NAALADL2: variants seen among roughly 807,000 people sequenced by gnomAD.
The protein encoded by NAALADL2 is inactive N-acetylated-alpha-linked acidic dipeptidase-like protein 2.
NAALADL2 carries 76 observed loss-of-function variants against 87.2 expected under a neutral mutation model. The ratio of observed to expected loss-of-function variants is 0.87; its 90% CI spans 0.72 to 1.05. The LOEUF (loss-of-function observed/expected upper bound fraction) is 1.05, where lower values mean the gene tolerates loss of function less well. Ranked by LOEUF, NAALADL2 falls within the 50% of genes least tolerant of loss-of-function variation. NAALADL2 has a pLI of 0.00. For missense variants in NAALADL2, 1,089 were observed against 945.8 expected, an observed-to-expected ratio of 1.15 and a Z score of -1.99; for synonymous variants, 354 against 331.0, an observed-to-expected ratio of 1.07 and a Z score of -0.75.
At chr3:175,324,057 AAAAAG>A (rs1760358697) in intron 4 of NAALADL2, 113 bp from the exon 5 acceptor site, 33 of 776,850 alleles carry the variant, frequency 4.2e-5, no homozygotes, top group African/African-American at 3.5e-4. Flanking sequence ...AAAGAAAAAG[AAAAAG>A]AAAAAAAAAC....
intron 3 of NAALADL2, among the ~76,000 whole-genome samples, chr3:174,809,037 AT>A (rs1560245246): frequency 6.6e-6 from 1 of 152,168 alleles, no homozygotes; most frequent in East Asian, 1.9e-4. Flanking sequence ...TATGGAACCT[AT>A]TTGTTTTGTC....
intron 1 of NAALADL2, among the ~76,000 whole-genome samples, chr3:174,887,734 C>T (rs13067199): frequency 1.8e-4 from 27 of 151,922 alleles, no homozygotes; most frequent in Non-Finnish European, 3.7e-4. Context: ...GTGGTCAAGG[C>T]TGCAGGGAGC....
chr3:174,941,944 T>G (rs991955046), intron 1 of NAALADL2, among the ~76,000 whole-genome samples: 2 of 152,088 alleles, frequency 1.3e-5, no homozygotes, highest in Non-Finnish European at 2.9e-5. Context: ...TGGGGCTTGC[T>G]TTCTTATGCA....
At chr3:175,576,957 G>A (rs571553140) in intron 10 of NAALADL2, among the ~76,000 whole-genome samples, 2 of 152,246 alleles carry the variant, frequency 1.3e-5, no homozygotes, top group East Asian at 3.9e-4. Context: ...TTCCTCAGAA[G>A]GGGTGCTTAA....
intron 1 of NAALADL2, among the ~76,000 whole-genome samples, chr3:174,987,987 C>A (rs980065261): frequency 7.3e-5 from 11 of 151,208 alleles, no homozygotes; most frequent in Non-Finnish European, 1.3e-4. Context: ...TTTTTTAGAC[C>A]ATAGCAATGT....
chr3:174,644,862 C>A (rs1190492587), intron 2 of NAALADL2, among the ~76,000 whole-genome samples: 1 of 152,144 alleles, frequency 6.6e-6, no homozygotes, highest in Non-Finnish European at 1.5e-5. Context: ...ATTGAAAGTA[C>A]CTCTTGGTTT....
intron 9 of NAALADL2, among the ~76,000 whole-genome samples, chr3:175,517,211 T>A (rs923219953): frequency 6.6e-6 from 1 of 152,188 alleles, no homozygotes; most frequent in African/African-American, 2.4e-5. Context: ...ATGGCTCATA[T>A]CTGCTCCAAT....
At chr3:174,962,226 A>T (rs1278407477) in intron 1 of NAALADL2, among the ~76,000 whole-genome samples, 2 of 151,636 alleles carry the variant, frequency 1.3e-5, no homozygotes, top group Non-Finnish European at 2.9e-5. Flanking sequence ...CAATAGGCTG[A>T]CTGAAACATC....
At chr3:175,360,810 C>CTGTG (rs746890254) in intron 5 of NAALADL2, among the ~76,000 whole-genome samples, 7,754 of 109,494 alleles carry the variant, frequency 0.071, 297 homozygotes, top group Non-Finnish European at 0.098. Context: ...TAATATTCCA[C>CTGTG]TGTGTGTGTG....
chr3:174,591,775 A>G (rs1485044104), intron 2 of NAALADL2, among the ~76,000 whole-genome samples: 1 of 152,200 alleles, frequency 6.6e-6, no homozygotes, highest in Non-Finnish European at 1.5e-5. Context: ...TATACAAGGC[A>G]CAGACATCTA....
At chr3:175,087,355 C>G (rs1224000036) in intron 1 of NAALADL2, among the ~76,000 whole-genome samples, 2 of 151,896 alleles carry the variant, frequency 1.3e-5, no homozygotes, top group Non-Finnish European at 2.9e-5. Flanking sequence ...ACGGCCGCCC[C>G]GTCTGGGAAG....
chr3:175,269,682 T>G (rs1752505764), intron 4 of NAALADL2, among the ~76,000 whole-genome samples: 1 of 152,230 alleles, frequency 6.6e-6, no homozygotes, highest in Admixed American at 6.5e-5. Context: ...AAGTAACTGC[T>G]TCTCAGGGAG....
intron 3 of NAALADL2, among the ~76,000 whole-genome samples, chr3:174,828,303 A>G (rs955254477): frequency 2.6e-5 from 4 of 152,330 alleles, no homozygotes; most frequent in African/African-American, 9.6e-5. Context: ...GTTTTCTTAC[A>G]CTTGCCCTGA....
At chr3:174,542,224 C>T (rs1722308599) in intron 1 of NAALADL2, among the ~76,000 whole-genome samples, 2 of 152,112 alleles carry the variant, frequency 1.3e-5, no homozygotes, top group South Asian at 4.1e-4. Context: ...TTCATTTTAT[C>T]CTGTCAGGAC....
intron 12 of NAALADL2, among the ~76,000 whole-genome samples, chr3:175,750,160 G>C (rs1746453721): frequency 6.6e-6 from 1 of 152,104 alleles, no homozygotes. Context: ...GGGAGAACTG[G>C]GGCTTGAATC....
At chr3:174,616,585 C>T (rs1720480311) in intron 2 of NAALADL2, among the ~76,000 whole-genome samples, 1 of 151,932 alleles carries the variant, frequency 6.6e-6, no homozygotes. Flanking sequence ...AAGCTGTGTA[C>T]TACTCTTGTT....
At chr3:174,493,753 T>C (rs542522600) in intron 1 of NAALADL2, among the ~76,000 whole-genome samples, 1 of 152,328 alleles carries the variant, frequency 6.6e-6, no homozygotes, top group East Asian at 1.9e-4. Flanking sequence ...TTCATTTCCT[T>C]ATTTTCTCAA....
intron 3 of NAALADL2, among the ~76,000 whole-genome samples, chr3:174,831,976 G>A (rs1391737987): frequency 2.6e-5 from 4 of 151,586 alleles, no homozygotes; most frequent in Non-Finnish European, 4.4e-5. Context: ...ATTTTTTATT[G>A]CGTCTATTTG....
chr3:175,004,174 G>T (rs1363222152), intron 1 of NAALADL2, among the ~76,000 whole-genome samples: 2 of 152,024 alleles, frequency 1.3e-5, no homozygotes, highest in African/African-American at 2.4e-5. Flanking sequence ...AGGTGTTTGA[G>T]AACATCCTGG....
Sources: gnomAD v4.1 joint callset for allele counts (sites outside exome capture counted in the v4.1 genomes callset) on GRCh38, gnomAD v4.1.1 for gene constraint, MANE v1.5 for transcripts, NCBI Gene and HGNC (gene_info 2026-07-23, HGNC 2026-07-21) for gene names.